Variants in EEPD1 observed in about 807,000 individuals in gnomAD.
The protein encoded by EEPD1 is endonuclease/exonuclease/phosphatase family domain containing 1.
In EEPD1, 17 loss-of-function variants were observed where a neutral mutation model predicts 46.3. The observed-to-expected ratio is 0.37, with a 90% confidence interval of 0.25 to 0.55. EEPD1 has a LOEUF of 0.55. Ranked by LOEUF, EEPD1 falls within the 20% of genes least tolerant of loss-of-function variation. EEPD1 has a pLI of 0.83. For missense variants in EEPD1, 673 were observed against 745.6 expected, an observed-to-expected ratio of 0.90 and a Z score of 1.13; for synonymous variants, 313 against 315.6, an observed-to-expected ratio of 0.99 and a Z score of 0.09.
At chr7:36,248,079 G>T (rs145148546) in intron 3 of EEPD1, among the ~76,000 whole-genome samples, 3 of 152,294 alleles carry the variant, frequency 2.0e-5, no homozygotes, top group African/African-American at 7.2e-5. Flanking sequence ...CCACCTAGCA[G>T]GTTATGGGAG....
At chr7:36,227,822 C>T (rs779668335) in intron 2 of EEPD1, among the ~76,000 whole-genome samples, 6 of 152,104 alleles carry the variant, frequency 3.9e-5, no homozygotes, top group African/African-American at 9.7e-5. Context: ...CAAGTAGCTG[C>T]GATTACAGGC....
intron 2 of EEPD1, among the ~76,000 whole-genome samples, chr7:36,189,231 A>G (rs1392973515): frequency 5.3e-5 from 8 of 152,220 alleles, no homozygotes; most frequent in African/African-American, 1.9e-4. Context: ...TGGTCCCCAA[A>G]AACTATTTGC....
intron 2 of EEPD1, among the ~76,000 whole-genome samples, chr7:36,190,428 ACT>A (rs1200754036): frequency 6.6e-6 from 1 of 152,090 alleles, no homozygotes; most frequent in Admixed American, 6.5e-5. Context: ...GTTTGGGCTG[ACT>A]CTTGATTTGA....
intron 2 of EEPD1, among the ~76,000 whole-genome samples, chr7:36,204,416 TGATGAG>T (rs1349088809): frequency 6.8e-6 from 1 of 146,346 alleles, no homozygotes; most frequent in Non-Finnish European, 1.6e-5. Flanking sequence ...GCAGCAATGA[TGATGAG>T]GAGGAGGAGG....
intron 2 of EEPD1, among the ~76,000 whole-genome samples, chr7:36,211,988 T>C (rs965609129): frequency 1.4e-4 from 21 of 151,466 alleles, no homozygotes; most frequent in African/African-American, 4.9e-4. Flanking sequence ...GTAAAGTTAA[T>C]GTAGAAAAAT....
chr7:36,239,051 C>G lies in EEPD1; in HGVS notation c.930+15C>G. 1 of 1,610,568 alleles carries G rather than the reference C, an allele frequency of 6.2e-7. No individual in the cohort carries two copies. The highest frequency in any genetic ancestry group is 1.1e-5 in the South Asian group (1 of 90,128). On this transcript the variant is annotated intron_variant, in intron 3 of 7. Coordinates refer to ENST00000242108, the MANE Select transcript of EEPD1 (RefSeq NM_030636.3). Reference sequence around the variant, plus strand: ...CCTTGGAAAAGGTAAATATTTTACTCTTCCTTCCACATTCACAAACCAAGA... The same window carrying G: ...CCTTGGAAAAGGTAAATATTTTACTGTTCCTTCCACATTCACAAACCAAGA...
At chr7:36,224,968 G>T (rs1786209408) in intron 2 of EEPD1, among the ~76,000 whole-genome samples, 1 of 152,042 alleles carries the variant, frequency 6.6e-6, no homozygotes, top group African/African-American at 2.4e-5. Flanking sequence ...GAGATGTGAT[G>T]ATAGGAGAGA....
intron 6 of EEPD1, among the ~76,000 whole-genome samples, chr7:36,290,569 C>T (rs1337454183): frequency 6.6e-6 from 1 of 152,110 alleles, no homozygotes; most frequent in Non-Finnish European, 1.5e-5. Flanking sequence ...AAGCTCCGGG[C>T]CTTTCTGCCT....
intron 2 of EEPD1, among the ~76,000 whole-genome samples, chr7:36,211,515 CTA>C (rs1433240124): frequency 6.6e-6 from 1 of 152,092 alleles, no homozygotes; most frequent in Admixed American, 6.6e-5. Flanking sequence ...CTAAGAAAAA[CTA>C]AGAAAATATA....
intron 2 of EEPD1, among the ~76,000 whole-genome samples, chr7:36,178,411 C>T (rs1454535160): frequency 3.3e-5 from 5 of 152,248 alleles, no homozygotes; most frequent in Non-Finnish European, 7.3e-5. Flanking sequence ...AGACTCCTCT[C>T]GGCCACGGGG....
intron 2 of EEPD1, among the ~76,000 whole-genome samples, chr7:36,186,051 G>A (rs1014981973): frequency 1.1e-4 from 16 of 152,058 alleles, no homozygotes; most frequent in African/African-American, 1.4e-4. Context: ...TTTCTTTCAC[G>A]TGGTATATTT....
At chr7:36,180,198 G>A (rs570545389) in intron 2 of EEPD1, among the ~76,000 whole-genome samples, 22 of 152,322 alleles carry the variant, frequency 1.4e-4, no homozygotes, top group African/African-American at 4.3e-4. Context: ...AGCTGATACC[G>A]GGAGAAAGCG....
At chr7:36,176,324 C>T (rs1785179085) in intron 2 of EEPD1, among the ~76,000 whole-genome samples, 1 of 152,168 alleles carries the variant, frequency 6.6e-6, no homozygotes, top group Admixed American at 6.5e-5. Context: ...GAAGACAACC[C>T]TCTCCCTCAC....
intron 2 of EEPD1, among the ~76,000 whole-genome samples, chr7:36,194,087 A>G (rs982665067): frequency 6.6e-6 from 1 of 152,230 alleles, no homozygotes; most frequent in Non-Finnish European, 1.5e-5. Flanking sequence ...GGCCAAAAGA[A>G]GACCTAGTCC....
intron 2 of EEPD1, among the ~76,000 whole-genome samples, chr7:36,167,806 C>T (rs1232073318): frequency 1.3e-5 from 2 of 152,076 alleles, no homozygotes; most frequent in African/African-American, 2.4e-5. Context: ...ACCTGTGCCT[C>T]CCTGGTTCAA....
Position 36,193,172 on chromosome 7 carries a change from G to A in EEPD1, c.878+37970G>A, listed in dbSNP as rs1473486311. Among the ~76,000 whole-genome samples, 1 of 152,202 alleles carries A rather than the reference G, an allele frequency of 6.6e-6. No homozygotes were observed. The highest frequency in any genetic ancestry group is 2.4e-5 in the African/African-American group (1 of 41,456). Reference sequence around the variant, plus strand: ...CAGGATTCCGTGGACATTGGCAGCAGGCATGCTCACCACATCTTGGGGTGA... The same window carrying A: ...CAGGATTCCGTGGACATTGGCAGCAAGCATGCTCACCACATCTTGGGGTGA... On this transcript the variant is annotated intron_variant, in intron 2 of 7. Coordinates refer to ENST00000242108, the MANE Select transcript of EEPD1 (RefSeq NM_030636.3). This position sits in a 1 kb window ranked among gnomAD's most constrained non-coding sequence, Gnocchi z 4.9.
At chr7:36,293,890 G>A (rs1203000070) in intron 6 of EEPD1, among the ~76,000 whole-genome samples, 42 of 152,038 alleles carry the variant, frequency 2.8e-4, no homozygotes. Flanking sequence ...CTTGAACCCG[G>A]GAGGCGGAAG....
At chr7:36,254,728 G>T (rs938225106) in intron 3 of EEPD1, among the ~76,000 whole-genome samples, 2 of 152,070 alleles carry the variant, frequency 1.3e-5, no homozygotes, top group Admixed American at 1.3e-4. Context: ...TTCCACAATG[G>T]TTTAACTAGT....
chr7:36,296,951 T>A, intron 6 of EEPD1, 42 bp from the exon 7 acceptor site: 1 of 1,601,018 alleles, frequency 6.2e-7, no homozygotes, highest in Non-Finnish European at 8.5e-7. Flanking sequence ...GGGTTTTACT[T>A]CCCAACAACT....
Sources: gnomAD v4.1 joint callset for allele counts (sites outside exome capture counted in the v4.1 genomes callset) on GRCh38, gnomAD v4.1.1 for gene constraint, Gnocchi (gnomAD v3.1) non-coding constraint, MANE v1.5 for transcripts, NCBI Gene and HGNC (gene_info 2026-07-23, HGNC 2026-07-21) for gene names.